Variants in GLIS3 observed in about 807,000 individuals in gnomAD.
GLIS3 encodes zinc finger protein GLIS3.
Under a neutral mutation model 78.6 loss-of-function variants are expected in GLIS3, and 53 were observed. The ratio of observed to expected loss-of-function variants is 0.67; its 90% confidence interval spans 0.54 to 0.85. GLIS3 has a LOEUF of 0.85. Ranked by LOEUF, GLIS3 falls within the 40% of genes least tolerant of loss-of-function variation. The pLI is 0.00. For synonymous variants in GLIS3, 684 were observed against 509.9 expected (o/e 1.34, Z -4.60); for missense variants, 1,703 against 1,231.1 (o/e 1.38, Z -5.74).
chr9:4,285,979 G>C (rs1335719857), intron 2 of GLIS3, 59 bp downstream of exon 2: 5 of 1,595,116 alleles, frequency 3.1e-6, no homozygotes, highest in Non-Finnish European at 4.3e-6. Flanking sequence ...GGCAGAAAAT[G>C]GGATGGGGGA....
chr9:4,112,641 C>T (rs1189321457), intron 4 of GLIS3, among the ~76,000 whole-genome samples: 1 of 152,042 alleles, frequency 6.6e-6, no homozygotes, highest in Admixed American at 6.5e-5. Context: ...TATGGAACAG[C>T]TAAATAACAG....
At chr9:4,049,133 A>C (rs1825495886) in intron 4 of GLIS3, among the ~76,000 whole-genome samples, 1 of 152,178 alleles carries the variant, frequency 6.6e-6, no homozygotes, top group Non-Finnish European at 1.5e-5. Flanking sequence ...GAAAGAAAAC[A>C]CACATCTAAT....
upstream of GLIS3, among the ~76,000 whole-genome samples, chr9:4,352,150 C>T (rs1817979564): frequency 6.6e-6 from 1 of 152,230 alleles, no homozygotes; most frequent in Non-Finnish European, 1.5e-5. Flanking sequence ...TGTCTCAATC[C>T]ATGCTTTGTC....
At chr9:4,044,706 C>G (rs558042295) in intron 4 of GLIS3, among the ~76,000 whole-genome samples, 1 of 152,176 alleles carries the variant, frequency 6.6e-6, no homozygotes, top group East Asian at 1.9e-4. Context: ...CTGAGGGTGA[C>G]TGCTCACAGT....
the GLIS3 span, among the ~76,000 whole-genome samples, chr9:4,370,197 A>AC: frequency 1.3e-5 from 2 of 151,666 alleles, no homozygotes; most frequent in East Asian, 3.9e-4. Flanking sequence ...AAAAAAAAAA[A>AC]AAAAAACAAC....
At chr9:4,385,719 GAGAGAAAGAAAGAAAGAA>G in the GLIS3 span, among the ~76,000 whole-genome samples, 1 of 69,398 alleles carries the variant, frequency 1.4e-5, no homozygotes, top group Non-Finnish European at 2.8e-5. Context: ...AGGAGAGAGA[GAGAGAAAGAAAGAAAGAA>G]AAAGAAAGAA....
intron 2 of GLIS3, among the ~76,000 whole-genome samples, chr9:4,338,449 A>T (rs570184700): frequency 6.6e-6 from 1 of 151,998 alleles, no homozygotes; most frequent in Non-Finnish European, 1.5e-5. Flanking sequence ...CTTATTCAGG[A>T]TGAGAATTCA....
intron 2 of GLIS3, among the ~76,000 whole-genome samples, chr9:4,316,844 A>C (rs1032241084): frequency 2.0e-5 from 3 of 147,106 alleles, no homozygotes; most frequent in Non-Finnish European, 3.0e-5. Flanking sequence ...TTCCGTGTTT[A>C]ATATGAGAAG....
intron 7 of GLIS3, among the ~76,000 whole-genome samples, chr9:3,880,523 A>G (rs1821653906): frequency 6.6e-6 from 1 of 152,198 alleles, no homozygotes; most frequent in Non-Finnish European, 1.5e-5. Flanking sequence ...GTACAAAGTT[A>G]TGCTGAGCTC....
intron 4 of GLIS3, among the ~76,000 whole-genome samples, chr9:4,089,951 C>A (rs1265271427): frequency 6.6e-6 from 1 of 152,174 alleles, no homozygotes; most frequent in Non-Finnish European, 1.5e-5. Flanking sequence ...AAAGTGGTGC[C>A]TCCCACTGTG....
chr9:4,059,829 T>TGA (rs1004608610), intron 4 of GLIS3, among the ~76,000 whole-genome samples: 7,105 of 100,430 alleles, frequency 0.071, 203 homozygotes, highest in African/African-American at 0.11. Context: ...TGTGTGTGTG[T>TGA]GAGAGAGAGA....
At chr9:4,107,874 G>C (rs1370620008) in intron 4 of GLIS3, among the ~76,000 whole-genome samples, 2 of 151,898 alleles carry the variant, frequency 1.3e-5, no homozygotes, top group Non-Finnish European at 2.9e-5. Flanking sequence ...TTTTATTATG[G>C]GAAATTTCAA....
chr9:4,283,501 A>T (rs1311404485), intron 2 of GLIS3, among the ~76,000 whole-genome samples: 3 of 151,988 alleles, frequency 2.0e-5, no homozygotes, highest in Admixed American at 2.0e-4. Flanking sequence ...CCTGACCTCA[A>T]ATGATCTGCC....
At chr9:4,027,801 C>G (rs1360752423) in intron 4 of GLIS3, among the ~76,000 whole-genome samples, 1 of 152,206 alleles carries the variant, frequency 6.6e-6, no homozygotes, top group African/African-American at 2.4e-5. Flanking sequence ...AGACACCTGT[C>G]TCTAAATGAG....
At chr9:4,279,431 G>C (rs1827352438) in intron 2 of GLIS3, among the ~76,000 whole-genome samples, 1 of 142,766 alleles carries the variant, frequency 7.0e-6, no homozygotes, top group African/African-American at 2.6e-5. Flanking sequence ...CACAAAGAAA[G>C]GTAGAGGAAC....
At chr9:4,025,397 T>C (rs608816) in intron 4 of GLIS3, among the ~76,000 whole-genome samples, 18,116 of 152,028 alleles carry the variant, frequency 0.12, 1,707 homozygotes, top group African/African-American at 0.26. Context: ...TGTTTGCTTG[T>C]TTGTTTTTTG....
intron 7 of GLIS3, among the ~76,000 whole-genome samples, chr9:3,885,291 G>A (rs1182290519): frequency 6.6e-6 from 1 of 152,186 alleles, no homozygotes; most frequent in Admixed American, 6.5e-5. Flanking sequence ...ATGATGTTCT[G>A]GGCTGAAAGG....
At chr9:4,375,672 C>T in the GLIS3 span, among the ~76,000 whole-genome samples, 3 of 152,212 alleles carry the variant, frequency 2.0e-5, no homozygotes, top group Non-Finnish European at 2.9e-5. Context: ...AGTCATAAAA[C>T]ATGCTCATCA....
chr9:4,473,955 C>A, the GLIS3 span, among the ~76,000 whole-genome samples: 1 of 152,026 alleles, frequency 6.6e-6, no homozygotes, highest in African/African-American at 2.4e-5. Context: ...CAAAAATAGA[C>A]CAGCTTCATG....
Sources: allele counts gnomAD v4.1 joint callset (sites outside exome capture counted in the v4.1 genomes callset), GRCh38; gene constraint gnomAD v4.1.1; transcripts MANE v1.5; gene names NCBI Gene and HGNC (gene_info 2026-07-23, HGNC 2026-07-21).